The following B3GALNT2 variants were observed in gnomAD, a reference collection of about 807,000 sequenced individuals.
The protein encoded by B3GALNT2 is beta-1,3-N-acetylgalactosaminyltransferase 2, also known as UDP-GalNAc:beta-1,3-N-acetylgalactosaminyltransferase 2.
A neutral mutation model predicts 61.1 loss-of-function variants in B3GALNT2; 53 were observed. That is an observed-to-expected ratio of 0.87 (90% confidence interval 0.70 to 1.09). The LOEUF (loss-of-function observed/expected upper bound fraction) is 1.09. Among genes scored for constraint, B3GALNT2 ranks in the 50% least tolerant of loss-of-function variants. B3GALNT2 has a pLI of 0.00. For synonymous variants in B3GALNT2, 223 were observed against 237.4 expected (o/e 0.94, Z 0.56); for missense variants, 544 against 623.0 (o/e 0.87, Z 1.35).
At chr1:235,475,985 T>C (rs1684259182) in intron 5 of B3GALNT2, among the ~76,000 whole-genome samples, 2 of 152,108 alleles carry the variant, frequency 1.3e-5, no homozygotes, top group Non-Finnish European at 2.9e-5. Flanking sequence ...ACACCACACG[T>C]GGCCTGCTTG....
intron 4 of B3GALNT2, among the ~76,000 whole-genome samples, chr1:235,482,963 TAC>T (rs1684627445): frequency 6.6e-6 from 1 of 152,188 alleles, no homozygotes; most frequent in African/African-American, 2.4e-5. Flanking sequence ...AGAATAAGCG[TAC>T]ACAGATTTTA....
chr1:235,440,243 T>TA, the B3GALNT2 span, among the ~76,000 whole-genome samples: 2 of 152,210 alleles, frequency 1.3e-5, no homozygotes, highest in Non-Finnish European at 2.9e-5. Context: ...GTGCTGGGAT[T>TA]ACAGGCGTGA....
chr1:235,446,836 C>A (rs576031347), downstream of B3GALNT2, among the ~76,000 whole-genome samples: 1 of 151,798 alleles, frequency 6.6e-6, no homozygotes. Context: ...AGGCGTACAT[C>A]GCTATGCTTG....
At chr1:235,492,099 A>G (rs970550971) in intron 2 of B3GALNT2, among the ~76,000 whole-genome samples, 1 of 152,238 alleles carries the variant, frequency 6.6e-6, no homozygotes, top group Non-Finnish European at 1.5e-5. Context: ...ATTTGCTTAC[A>G]GAAGTACTTA....
chr1:235,487,745 C>A (rs1434631179), intron 3 of B3GALNT2, among the ~76,000 whole-genome samples: 1 of 152,158 alleles, frequency 6.6e-6, no homozygotes, highest in Non-Finnish European at 1.5e-5. Context: ...AAAATTGGTT[C>A]CCTGGTGACA....
chr1:235,474,827 G>A (rs1387608015), intron 5 of B3GALNT2, among the ~76,000 whole-genome samples: 2 of 151,096 alleles, frequency 1.3e-5, no homozygotes, highest in African/African-American at 4.9e-5. Context: ...GTCTAAGGAT[G>A]TAAGCGTCCA....
intron 4 of B3GALNT2, among the ~76,000 whole-genome samples, chr1:235,481,926 G>C (rs1684580162): frequency 6.6e-6 from 1 of 152,022 alleles, no homozygotes; most frequent in African/African-American, 2.4e-5. Flanking sequence ...CAACAAACGA[G>C]ACAGATTATT....
At chr1:235,472,317 T>C (rs944919459) in intron 5 of B3GALNT2, among the ~76,000 whole-genome samples, 4 of 152,150 alleles carry the variant, frequency 2.6e-5, no homozygotes, top group Non-Finnish European at 2.9e-5. Context: ...GTCTGATATA[T>C]ATTGAAATCT....
intron 5 of B3GALNT2, 67 bp from the exon 6 acceptor site, chr1:235,471,027 T>C: frequency 6.4e-7 from 1 of 1,564,888 alleles, no homozygotes; most frequent in South Asian, 1.2e-5. Flanking sequence ...AAGTATGCTT[T>C]CAGGCAAGAT....
At chr1:235,460,125 T>C (rs74752798) in intron 7 of B3GALNT2, among the ~76,000 whole-genome samples, 10 of 151,360 alleles carry the variant, frequency 6.6e-5, no homozygotes, top group Admixed American at 2.0e-4. Flanking sequence ...CTTTCTTTTT[T>C]GTTTTTGAGA....
intron 1 of B3GALNT2, among the ~76,000 whole-genome samples, chr1:235,495,433 G>A (rs983400392): frequency 2.0e-5 from 3 of 152,164 alleles, no homozygotes; most frequent in Non-Finnish European, 4.4e-5. Flanking sequence ...CTTCCATACC[G>A]GAAAGTAATG....
At chr1:235,440,398 A>T in the B3GALNT2 span, among the ~76,000 whole-genome samples, 13 of 151,642 alleles carry the variant, frequency 8.6e-5, no homozygotes, top group African/African-American at 2.9e-4. Flanking sequence ...CCGTATATAT[A>T]TATATTTTTT....
downstream of B3GALNT2, among the ~76,000 whole-genome samples, chr1:235,446,160 A>G (rs1021409128): frequency 1.3e-5 from 2 of 151,846 alleles, no homozygotes; most frequent in Non-Finnish European, 2.9e-5. Context: ...TAGTACGTCA[A>G]TATATTATAA....
chr1:235,450,051 T>C lies in B3GALNT2; in HGVS notation c.*155A>G. 1 of 865,200 alleles carries C rather than the reference T, an allele frequency of 1.2e-6. No homozygotes were observed. The highest frequency in any genetic ancestry group is 1.7e-6 in the Non-Finnish European group (1 of 579,780). 53.6% of individuals were successfully genotyped at this position (865,200 alleles called of 1,614,324 possible). A position where few individuals can be genotyped will look rare whatever the true frequency, so the allele number is the denominator to read the frequency against. ...ATTTTTAAGGAAATTTGTGCAAACA[T>C]TAAGAAACACCGCATTGGTTCTGGG... On this transcript the variant is annotated 3_prime_UTR_variant, in exon 12 of 12. Transcript: ENST00000366600.
Position 235,470,819 on chromosome 1 carries a change from T to C in B3GALNT2, c.762+31A>G, listed in dbSNP as rs767595274. 17 of 1,601,230 alleles carry C rather than the reference T, an allele frequency of 1.1e-5. No individual in the cohort carries two copies. In the East Asian group the frequency reaches 3.8e-4, roughly 36 times the overall value. On this transcript the variant is annotated intron_variant, in intron 6 of 11. Coordinates refer to ENST00000366600, the MANE Select transcript of B3GALNT2 (RefSeq NM_152490.5). ...TATATATTAAAAAGAAGCTAAAATA[T>C]GCAATTAAACCTTAAAAAAAAACGA...
the B3GALNT2 span, chr1:235,441,774 C>T: frequency 6.4e-7 from 1 of 1,571,286 alleles, no homozygotes; most frequent in Non-Finnish European, 8.8e-7. Flanking sequence ...CTTATAGTGG[C>T]CTTTGGTTTA....
At chr1:235,494,226 T>C (rs1039547423) in intron 2 of B3GALNT2, among the ~76,000 whole-genome samples, 7 of 152,166 alleles carry the variant, frequency 4.6e-5, no homozygotes, top group Non-Finnish European at 8.8e-5. Context: ...CTTTTAAGAA[T>C]TGCTATTCTA....
Position 235,448,462 on chromosome 1 carries a change from A to T in B3GALNT2, c.*1744T>A, listed in dbSNP as rs546640124. On this transcript the variant is annotated 3_prime_UTR_variant, in exon 12 of 12. Transcript: ENST00000366600. Reference sequence around the variant, plus strand: ...CAAAGTAAGTTGCCCAGCAAAATACAAAGTCAAAGTCAAGCTTAGTCCTCG... The same window carrying T: ...CAAAGTAAGTTGCCCAGCAAAATACTAAGTCAAAGTCAAGCTTAGTCCTCG... The T allele has an allele frequency of 1.2e-6, 2 of 1,605,706 alleles. No homozygotes were observed. Among genetic ancestry groups the T allele is most frequent in the African/African-American group, 2.7e-5 (2 of 74,848 alleles).
At chr1:235,454,422 T>C in intron 9 of B3GALNT2, 107 bp from the exon 10 acceptor site, 2 of 1,143,748 alleles carry the variant, frequency 1.7e-6, no homozygotes, top group Non-Finnish European at 2.4e-6. Flanking sequence ...CTTGTAGAAG[T>C]GAGGAAAGAA....
Sources: gnomAD v4.1 joint callset for allele counts (sites outside exome capture counted in the v4.1 genomes callset) on GRCh38, gnomAD v4.1.1 for gene constraint, MANE v1.5 for transcripts, NCBI Gene and HGNC (gene_info 2026-07-23, HGNC 2026-07-21) for gene names.